The following PAPPA variants were observed in gnomAD, a reference collection of about 807,000 sequenced individuals.
PAPPA encodes the protein pappalysin 1, also known as pappalysin-1.
In PAPPA, 60 loss-of-function variants were observed where a neutral mutation model predicts 164.0. That is an observed-to-expected ratio of 0.37 (90% CI 0.30 to 0.45). The LOEUF is 0.45. Among genes scored for constraint, PAPPA ranks in the 20% least tolerant of loss-of-function variants. The pLI is 1.00. For missense variants in PAPPA, 1,782 were observed against 2,087.3 expected (o/e 0.85, Z 2.85); for synonymous variants, 875 against 814.1 (o/e 1.07, Z -1.27).
At chr9:116,176,414 T>C (rs978900602) in intron 1 of PAPPA, among the ~76,000 whole-genome samples, 9 of 152,134 alleles carry the variant, frequency 5.9e-5, no homozygotes, top group African/African-American at 1.9e-4. Context: ...CATGGGCCAG[T>C]TAGAAGAGTG....
intron 18 of PAPPA, among the ~76,000 whole-genome samples, chr9:116,364,038 G>T (rs1485732340): frequency 2.0e-5 from 3 of 152,208 alleles, no homozygotes; most frequent in African/African-American, 7.2e-5. Flanking sequence ...GACCAGGAGT[G>T]TTGCAGAGAG....
intron 7 of PAPPA, among the ~76,000 whole-genome samples, chr9:116,241,179 T>A (rs1206001645): frequency 6.6e-6 from 1 of 152,206 alleles, no homozygotes; most frequent in East Asian, 1.9e-4. Context: ...CTTTAGTGCA[T>A]TCATTAATTC....
At chr9:116,188,289 C>G in intron 2 of PAPPA, 73 bp downstream of exon 2, 2 of 1,127,824 alleles carry the variant, frequency 1.8e-6, no homozygotes, top group Non-Finnish European at 2.5e-6. Flanking sequence ...AGATAAGGCA[C>G]CTGAGGCCAG....
At position 116,179,260 on chromosome 9, in the gene PAPPA, G is replaced by A. The variant is rs147654810; in HGVS notation, c.416-7894G>A. 3.8e-3 allele frequency among the ~76,000 whole-genome samples: 580 copies of A among 152,254 alleles called. 10 individuals carry two copies. The highest frequency in any genetic ancestry group is 0.014 in the African/African-American group (561 of 41,554). On this transcript the variant is annotated intron_variant, in intron 1 of 21. Coordinates refer to ENST00000328252, the MANE Select transcript of PAPPA (RefSeq NM_002581.5). Reference sequence around the variant, plus strand: ...TTAGTGAGGGTGCTTTCAGATAACAGTTCCTGGCAAGGAAGAAGAATACAG... The same window carrying A: ...TTAGTGAGGGTGCTTTCAGATAACAATTCCTGGCAAGGAAGAAGAATACAG...
At chr9:116,328,120 G>A (rs902079819) in intron 10 of PAPPA, among the ~76,000 whole-genome samples, 9 of 152,208 alleles carry the variant, frequency 5.9e-5, no homozygotes, top group African/African-American at 2.2e-4. Context: ...GAATGCTTCA[G>A]ATGCAGAGAT....
chr9:116,156,388 T>C (rs1039769803), intron 1 of PAPPA, among the ~76,000 whole-genome samples: 1 of 142,580 alleles, frequency 7.0e-6, no homozygotes, highest in Non-Finnish European at 1.5e-5. Flanking sequence ...CACAGGAGAC[T>C]GCTTTATAAA....
At chr9:116,371,716 G>A (rs1416333218) in intron 19 of PAPPA, among the ~76,000 whole-genome samples, 2 of 151,626 alleles carry the variant, frequency 1.3e-5, no homozygotes, top group African/African-American at 4.8e-5. Flanking sequence ...TTTTTATTGA[G>A]CTATAACTTA....
intron 1 of PAPPA, among the ~76,000 whole-genome samples, chr9:116,173,767 G>A (rs909928315): frequency 5.3e-5 from 8 of 152,096 alleles, no homozygotes; most frequent in Non-Finnish European, 8.8e-5. Flanking sequence ...TGCAAGGCTC[G>A]GCTCTTTTGA....
chr9:116,286,182 T>C (rs1412359820), intron 9 of PAPPA: 2 of 152,224 alleles, frequency 1.3e-5, no homozygotes, highest in African/African-American at 4.8e-5. Context: ...TTTCCTTCTC[T>C]ATCTCTATAC....
At position 116,187,552 on chromosome 9, in the gene PAPPA, A is replaced by G. The variant is rs770869084; in HGVS notation, c.814A>G (p.Met272Val). 2.0e-5 allele frequency: 32 copies of G among 1,614,102 alleles called. No homozygotes were observed. The highest frequency in any genetic ancestry group is 5.0e-5 in the Admixed American group (3 of 60,010). Residue 272 changes from methionine to valine, a missense_variant, in exon 2 of 22, where the codon ATG (methionine) becomes GTG (valine). Transcript: ENST00000328252. The surrounding 1 kb of genome is among the most constrained non-coding windows in gnomAD (Gnocchi z 4.2). ...ARTQREILSD[M>V]ETHGAHTALP... ...GACTCAGCGGGAGATACTGTCTGAC[A>G]TGGAAACCCATGGCGCCCACACTGC...
At chr9:116,181,862 AC>A (rs1209556571) in intron 1 of PAPPA, among the ~76,000 whole-genome samples, 1 of 152,262 alleles carries the variant, frequency 6.6e-6, no homozygotes, top group African/African-American at 2.4e-5. Flanking sequence ...GTAATAAAGA[AC>A]CATCAATTCT....
At chr9:116,350,750 G>T (rs1006159186) in intron 15 of PAPPA, among the ~76,000 whole-genome samples, 4 of 152,116 alleles carry the variant, frequency 2.6e-5, no homozygotes, top group Non-Finnish European at 5.9e-5. Flanking sequence ...AGCAATGACT[G>T]CCCCGATTAC....
intron 1 of PAPPA, among the ~76,000 whole-genome samples, chr9:116,165,441 A>G (rs1409737629): frequency 6.6e-6 from 1 of 152,186 alleles, no homozygotes; most frequent in Non-Finnish European, 1.5e-5. Context: ...TCAATCAGTC[A>G]TCAACTCCTG....
intron 9 of PAPPA, among the ~76,000 whole-genome samples, chr9:116,274,047 G>A (rs1477178888): frequency 6.6e-6 from 1 of 151,456 alleles, no homozygotes; most frequent in African/African-American, 2.4e-5. Context: ...TAAACCCAGA[G>A]AGCCTGACTC....
In PAPPA at chr9:116,166,358, C is replaced by T. The variant is rs537524158; in HGVS notation, c.415+11771C>T. Among the ~76,000 whole-genome samples the T allele has an allele frequency of 5.3e-5, 8 of 152,300 alleles. No homozygotes were observed. The East Asian group carries it at 5.8e-4, about 11-fold the overall frequency. On this transcript the variant is annotated intron_variant, in intron 1 of 21. Coordinates refer to ENST00000328252, the MANE Select transcript of PAPPA (RefSeq NM_002581.5). ...GCAAAGCATTTGTTTTGTGTGTGCACGGCAGCACATAATCTTAAGCTTTGC... is the reference window on the plus strand; with the variant it reads ...GCAAAGCATTTGTTTTGTGTGTGCATGGCAGCACATAATCTTAAGCTTTGC...
chr9:116,221,744 A>C (rs967866340), intron 5 of PAPPA, among the ~76,000 whole-genome samples: 1 of 152,204 alleles, frequency 6.6e-6, no homozygotes, highest in Non-Finnish European at 1.5e-5. Context: ...CCACAAAAAG[A>C]AGCAAGAAAT....
chr9:116,237,743 A>C (rs1844687169), intron 7 of PAPPA, among the ~76,000 whole-genome samples: 1 of 150,372 alleles, frequency 6.7e-6, no homozygotes, highest in Admixed American at 6.6e-5. Context: ...TCTTTCCAAG[A>C]CAGTCTTGCA....
chr9:116,347,116 CA>C lies in PAPPA; in HGVS notation c.3872del (p.His1291LeufsTer30). 2 of 1,614,124 alleles carry C rather than the reference CA, an allele frequency of 1.2e-6. No individual in the cohort carries two copies. The highest frequency in any genetic ancestry group is 1.7e-6 in the Non-Finnish European group (2 of 1,179,948). On this transcript the variant is annotated frameshift_variant, in exon 15 of 22. Coordinates refer to ENST00000328252, the MANE Select transcript of PAPPA (RefSeq NM_002581.5). LOFTEE classifies it high-confidence loss of function. This position sits in a 1 kb window ranked among gnomAD's most constrained non-coding sequence, Gnocchi z 4.5. ...AGTCGACTGCAGCATCCCAGATCAC[CA>C]TCAAGTCTATGCTGCCTCCTTCTCC... ...EPVDCSIPDHHQVYAASFSCP... is the reference protein window; with the variant it reads ...EPVDCSIPDHXQVYAASFSCP...
chr9:116,164,741 T>C (rs1473156098), intron 1 of PAPPA, among the ~76,000 whole-genome samples: 2 of 152,052 alleles, frequency 1.3e-5, no homozygotes, highest in African/African-American at 4.8e-5. Flanking sequence ...ATGGAGGGGG[T>C]TATTTTCCCC....
Sources: gnomAD v4.1 joint callset for allele counts (sites outside exome capture counted in the v4.1 genomes callset) on GRCh38, gnomAD v4.1.1 for gene constraint, Gnocchi (gnomAD v3.1) non-coding constraint, MANE v1.5 for transcripts, NCBI Gene and HGNC (gene_info 2026-07-23, HGNC 2026-07-21) for gene names.